The following FCRL5 variants were observed in gnomAD, a reference collection of about 807,000 sequenced individuals.
The protein encoded by FCRL5 is Fc receptor-like protein 5.
A neutral mutation model predicts 92.1 loss-of-function variants in FCRL5; 79 were observed. The ratio of observed to expected loss-of-function variants is 0.86; its 90% CI spans 0.72 to 1.03. FCRL5 has a LOEUF of 1.03. Among genes scored for constraint, FCRL5 ranks in the 50% least tolerant of loss-of-function variants. FCRL5 has a pLI of 0.00. For missense variants in FCRL5, 1,160 were observed against 1,181.1 expected (o/e 0.98, Z 0.26); for synonymous variants, 466 against 469.3 (o/e 0.99, Z 0.09).
At chr1:157,523,992 G>A (rs1385195499) in intron 10 of FCRL5, 2 of 442,744 alleles carry the variant, frequency 4.5e-6, no homozygotes, top group Non-Finnish European at 7.9e-6. Context: ...TCATTTTCAT[G>A]TAATAATTTC....
rs1183736087 is a variant in FCRL5, at chr1:157,514,308, A to G, written c.*1367T>C. The G allele has an allele frequency of 6.6e-6, 1 of 152,262 alleles. No homozygotes were observed. Among genetic ancestry groups the G allele is most frequent in the Admixed American group, 6.5e-5 (1 of 15,286 alleles). 9.4% of individuals were successfully genotyped at this position (152,262 alleles called of 1,614,324 possible). A position where few individuals can be genotyped will look rare whatever the true frequency, so the allele number is the denominator to read the frequency against. ...GATGGGAGAACAACTCTGAATGGAG[A>G]GGGCTCAGGTTATATACATTCACCC... On this transcript the variant is annotated 3_prime_UTR_variant, in exon 17 of 17. Transcript: ENST00000361835.
At chr1:157,550,988 G>C (rs976197366) in intron 1 of FCRL5, among the ~76,000 whole-genome samples, 1 of 152,190 alleles carries the variant, frequency 6.6e-6, no homozygotes, top group African/African-American at 2.4e-5. Context: ...CCAAACTTAA[G>C]TGTTTTACTG....
rs540868124 is a variant in FCRL5 at position 157,520,998 on chromosome 1, C to T, written c.2515+19G>A. 6.9e-6 allele frequency: 11 copies of T among 1,583,308 alleles called. No homozygotes were observed. Among genetic ancestry groups the T allele is most frequent in the East Asian group, 4.5e-5 (2 of 44,660 alleles). On this transcript the variant is annotated intron_variant, in intron 11 of 16. Transcript: ENST00000361835. ...GAAACATTTTGTCCGCATCTGTGGC[C>T]CGGGCACGGGAAACTTACCTGTGAT... is the stretch of plus-strand genomic sequence containing the variant.
Position 157,524,194 on chromosome 1 carries a change from G to A in FCRL5, c.2239+85C>T, listed in dbSNP as rs769903858. The A allele has an allele frequency of 2.0e-6, 3 of 1,469,650 alleles. No homozygotes were observed. The Admixed American group carries it at 5.4e-5, about 26-fold the overall frequency. The allele number at this position is 1,469,650 out of a possible 1,614,324, so 91.0% of individuals were successfully genotyped here. A position where few individuals can be genotyped will look rare whatever the true frequency, so the allele number is the denominator to read the frequency against. On this transcript the variant is annotated intron_variant, in intron 10 of 16. Coordinates refer to ENST00000361835, the MANE Select transcript of FCRL5 (RefSeq NM_031281.3). ...TGCCACACAAGCAAACAGCCCTGAG[G>A]AGCTCTGTGGCTCCATTTTCAGCTG... is the stretch of plus-strand genomic sequence containing the variant.
chr1:157,544,012 G>C (rs764599006), intron 5 of FCRL5, among the ~76,000 whole-genome samples: 1 of 152,138 alleles, frequency 6.6e-6, no homozygotes, highest in African/African-American at 2.4e-5. Context: ...AGAGAACCCT[G>C]CGAGAGAAAA....
chr1:157,516,753 G>A (rs1649952037), intron 15 of FCRL5, among the ~76,000 whole-genome samples: 1 of 152,222 alleles, frequency 6.6e-6, no homozygotes, highest in South Asian at 2.1e-4. Context: ...CTTGGAATGA[G>A]CATCAGGACT....
At chr1:157,521,366 A>G (rs1650188020) in intron 10 of FCRL5, 74 bp from the exon 11 acceptor site, 1 of 1,485,554 alleles carries the variant, frequency 6.7e-7, no homozygotes, top group East Asian at 2.3e-5. Flanking sequence ...TATCATAAAC[A>G]AATGTAAAAA....
intron 10 of FCRL5, chr1:157,522,930 G>A (rs1650264780): frequency 1.3e-5 from 2 of 152,324 alleles, no homozygotes; most frequent in South Asian, 2.1e-4. Flanking sequence ...CTAAGGGATA[G>A]GTGTGTAAAC....
rs1651648911 is a variant in FCRL5, at chr1:157,548,231, C to T, written c.53-1034G>A. 2.0e-5 allele frequency among the ~76,000 whole-genome samples: 3 copies of T among 152,344 alleles called. No individual in the cohort carries two copies. In the South Asian group the frequency reaches 6.2e-4, roughly 32 times the overall value. The stretch of plus-strand genomic sequence containing the variant: ...GTCAGAGGGTGACCATGAAGCTATC[C>T]TGGCCCTTGGACGATGCCAAAAAAC... On this transcript the variant is annotated intron_variant, in intron 2 of 16. Coordinates refer to ENST00000361835, the MANE Select transcript of FCRL5 (RefSeq NM_031281.3).
chr1:157,552,433 A>C lies in FCRL5; in HGVS notation c.-71T>G. 6.5e-7 allele frequency: 1 copy of C among 1,542,150 alleles called. No individual in the cohort carries two copies. The highest frequency in any genetic ancestry group is 9.0e-7 in the Non-Finnish European group (1 of 1,114,734). On this transcript the variant is annotated 5_prime_UTR_variant, in exon 1 of 17. Transcript: ENST00000361835. ...CAATTCCAAAACAGGTTTGGACTTG[A>C]TCTTACAGTCAGGACACTGCACACC...
In FCRL5 at chr1:157,552,366, G is replaced by A. The variant is rs1472697360; in HGVS notation, c.-4C>T. On this transcript the variant is annotated 5_prime_UTR_variant, in exon 1 of 17. Coordinates refer to ENST00000361835, the MANE Select transcript of FCRL5 (RefSeq NM_031281.3). ...GTAATATCACCCACAGCAGCATGAA[G>A]ACCTGGACCACCAAGGGCTGAGATC... 6.2e-6 allele frequency: 10 copies of A among 1,614,038 alleles called. No homozygotes were observed. Among genetic ancestry groups the A allele is most frequent in the South Asian group, 1.1e-5 (1 of 91,070 alleles).
At chr1:157,550,396 C>T (rs1651761025) in intron 1 of FCRL5, among the ~76,000 whole-genome samples, 1 of 152,084 alleles carries the variant, frequency 6.6e-6, no homozygotes, top group Non-Finnish European at 1.5e-5. Flanking sequence ...TTAAGCCTCC[C>T]TTGGGCACCA....
At chr1:157,520,885 A>G in intron 11 of FCRL5, 132 bp downstream of exon 11, 1 of 1,074,972 alleles carries the variant, frequency 9.3e-7, no homozygotes, top group South Asian at 1.6e-5. Flanking sequence ...GAAATATAGC[A>G]GTTTAGAGAG....
Position 157,544,497 on chromosome 1 carries a change from G to A in FCRL5, c.609C>T (p.Ser203=), listed in dbSNP as rs780417321. ...CACAGGTCAGGGTCACTGGGTTCCC[G>A]CTGATGGGCTGGAAGGAGCTGGCTC... The part of the protein sequence containing the change: ...VLRASSFQPI[S]GNPVTLTCET... The change falls in exon 5 of 17, where the codon AGC becomes AGT. Residue 203 remains serine (S), a synonymous_variant. Coordinates refer to ENST00000361835, the MANE Select transcript of FCRL5 (RefSeq NM_031281.3). 2.5e-6 allele frequency: 4 copies of A among 1,614,182 alleles called. No homozygotes were observed. The highest frequency in any genetic ancestry group is 1.3e-5 in the African/African-American group (1 of 75,046).
rs1291366927 is a variant in FCRL5 at position 157,514,496 on chromosome 1, A to ACGATC, written c.*1174_*1178dup. 6.6e-6 allele frequency: 1 copy of ACGATC among 152,226 alleles called. No individual in the cohort carries two copies. The highest frequency in any genetic ancestry group is 2.4e-5 in the African/African-American group (1 of 41,464). The allele number at this position is 152,226 out of a possible 1,614,324, so 9.4% of individuals were successfully genotyped here. A position where few individuals can be genotyped will look rare whatever the true frequency, so the allele number is the denominator to read the frequency against. ...GGCCAAAGGCTGGCCAGGGAGCAGC[A>ACGATC]CGATCCGTGTGAACCGAGTTGGGCC... On this transcript the variant is annotated 3_prime_UTR_variant, in exon 17 of 17. Coordinates refer to ENST00000361835, the MANE Select transcript of FCRL5 (RefSeq NM_031281.3).
Position 157,544,266 on chromosome 1 carries a change from C to T in FCRL5, c.840G>A (p.Val280=). 1 of 1,614,026 alleles carries T rather than the reference C, an allele frequency of 6.2e-7. No homozygotes were observed. ...ISDSPRSWIQ[V]QIPASHPVLT... ...TCAGGTTCCACCAACACTTACTCTG[C>T]ACCTGTATCCAGGATCTCGGGCTGT... Residue 280 remains valine (V), a synonymous_variant, in exon 5 of 17, where the codon GTG becomes GTA. Transcript: ENST00000361835.
In FCRL5 at chr1:157,520,169, G is replaced by A. The variant is rs1231790984; in HGVS notation, c.2632+262C>T. On this transcript the variant is annotated intron_variant, in intron 12 of 16. Transcript: ENST00000361835. The stretch of plus-strand genomic sequence containing the variant: ...CATTCGTTGGGGGGGTCTTATAAGG[G>A]TCGAGAGGAAGACACTCTGTAGTTT... Among the ~76,000 whole-genome samples, 8 of 152,244 alleles carry A rather than the reference G, an allele frequency of 5.3e-5. No homozygotes were observed. In the East Asian group the frequency reaches 1.5e-3, roughly 29 times the overall value.
In FCRL5 at chr1:157,515,763, C is replaced by A; in HGVS notation, c.2846G>T (p.Gly949Val). ...ASDPRHLRNK[G>V]SPIIYSEVKV... is the part of the protein sequence containing the mutation. Reference sequence around the variant, plus strand: ...AACTTCAGAGTAGATGATAGGGGAACCCTAGGAGGCAAGAGCACATGCGTG... The same window carrying A: ...AACTTCAGAGTAGATGATAGGGGAAACCTAGGAGGCAAGAGCACATGCGTG... The change falls in exon 17 of 17, where the codon GGT becomes GTT. Residue 949 changes from glycine (G) to valine (V), a missense_variant and splice_region_variant. Transcript: ENST00000361835. 1.2e-6 allele frequency: 2 copies of A among 1,613,932 alleles called. No individual in the cohort carries two copies. Among genetic ancestry groups the A allele is most frequent in the Non-Finnish European group, 8.5e-7 (1 of 1,179,918 alleles).
chr1:157,538,320 C>T lies in FCRL5; in HGVS notation c.1402+766G>A, dbSNP rs111690950. On this transcript the variant is annotated intron_variant, in intron 7 of 16. Coordinates refer to ENST00000361835, the MANE Select transcript of FCRL5 (RefSeq NM_031281.3). ...CAGGAAAGGAAACTGAGGCCGCTTCCGGGACCAACCAAGACTGGACTCTCT... is the reference window on the plus strand; with the variant it reads ...CAGGAAAGGAAACTGAGGCCGCTTCTGGGACCAACCAAGACTGGACTCTCT... Among the ~76,000 whole-genome samples the T allele has an allele frequency of 2.1e-3, 319 of 152,258 alleles. 1 individual carries two copies. The highest frequency in any genetic ancestry group is 7.2e-3 in the African/African-American group (297 of 41,532).
Sources: gnomAD v4.1 joint callset for allele counts (sites outside exome capture counted in the v4.1 genomes callset) on GRCh38, gnomAD v4.1.1 for gene constraint, MANE v1.5 for transcripts, NCBI Gene and HGNC (gene_info 2026-07-23, HGNC 2026-07-21) for gene names.